ZNF66: variants seen among roughly 807,000 people sequenced by gnomAD.
ZNF66 encodes putative zinc finger protein 66.
In ZNF66, 32 loss-of-function variants were observed where a neutral mutation model predicts 35.2. That is an observed-to-expected ratio of 0.91 (90% CI 0.69 to 1.22). The LOEUF is 1.22. Ranked by LOEUF, ZNF66 falls within the 50% of genes most tolerant of loss-of-function variation. ZNF66 has a pLI of 0.00. For missense variants in ZNF66, 666 were observed against 543.1 expected (o/e 1.23, Z -2.25); for synonymous variants, 231 against 181.3 (o/e 1.27, Z -2.20).
At chr19:20,779,612 T>A (rs1397228430) in intron 1 of ZNF66, among the ~76,000 whole-genome samples, 2 of 152,128 alleles carry the variant, frequency 1.3e-5, no homozygotes, top group Non-Finnish European at 2.9e-5. Context: ...TCGGATCACC[T>A]GAGGACAGGT....
chr19:20,777,895 C>T, intron 1 of ZNF66, among the ~76,000 whole-genome samples: 1 of 152,068 alleles, frequency 6.6e-6, no homozygotes. Flanking sequence ...TGGCTGTAGA[C>T]AATGAATATA....
intron 3 of ZNF66, among the ~76,000 whole-genome samples, chr19:20,795,652 G>T (rs766831524): frequency 1.3e-5 from 2 of 152,052 alleles, no homozygotes; most frequent in Non-Finnish European, 1.5e-5. Context: ...CAGGTGTGAG[G>T]CACTGTACCC....
At chr19:20,781,330 T>G (rs1270215460) in intron 1 of ZNF66, among the ~76,000 whole-genome samples, 2 of 152,182 alleles carry the variant, frequency 1.3e-5, no homozygotes, top group African/African-American at 2.4e-5. Flanking sequence ...TTTGTTAACT[T>G]ACGTACTAAG....
chr19:20,791,930 T>G (rs1971341912), intron 1 of ZNF66, among the ~76,000 whole-genome samples: 1 of 152,166 alleles, frequency 6.6e-6, no homozygotes, highest in African/African-American at 2.4e-5. Flanking sequence ...AGCTGTTCTT[T>G]TTTCTTTTTT....
rs1436556935 is a variant in ZNF66, at chr19:20,809,873, GAC to G, written c.*2555_*2556del. Among the ~76,000 whole-genome samples the G allele has an allele frequency of 2.6e-5, 4 of 152,098 alleles. No homozygotes were observed. Among genetic ancestry groups the G allele is most frequent in the African/African-American group, 9.7e-5 (4 of 41,408 alleles). Reference sequence around the variant, plus strand: ...AATGGGCTAAATGCTCCAATTAAAAGACACAGACAGGCAAATTGGATAAATAG... The same window carrying G: ...AATGGGCTAAATGCTCCAATTAAAAGACAGACAGGCAAATTGGATAAATAG... On this transcript the variant is annotated 3_prime_UTR_variant, in exon 4 of 4. Transcript: ENST00000344519.
At position 20,792,533 on chromosome 19, in the gene ZNF66, G is replaced by A. The variant is rs556514167; in HGVS notation, c.25G>A (p.Val9Met). The A allele has an allele frequency of 3.3e-5, 51 of 1,534,624 alleles. No individual in the cohort carries two copies. Among genetic ancestry groups the A allele is most frequent in the Non-Finnish European group, 4.4e-5 (49 of 1,112,134 alleles). MGPLQFRD[V>M]AIEFSLEEWH... is the part of the protein sequence containing the mutation. ...TCAGGGGCCATTGCAATTTAGAGATGTGGCCATAGAATTCTCTCTGGAGGA... is the reference window on the plus strand; with the variant it reads ...TCAGGGGCCATTGCAATTTAGAGATATGGCCATAGAATTCTCTCTGGAGGA... Residue 9 changes from valine to methionine, a missense_variant, in exon 2 of 4, where the codon GTG becomes ATG. By Grantham distance (21) the Val-to-Met change is conservative. Coordinates refer to ENST00000344519, the MANE Select transcript of ZNF66 (RefSeq NM_001355197.2).
chr19:20,789,533 A>G (rs1224099277), intron 1 of ZNF66, among the ~76,000 whole-genome samples: 3 of 152,216 alleles, frequency 2.0e-5, no homozygotes, highest in Non-Finnish European at 1.5e-5. Context: ...CTTGTTTTCT[A>G]TTCCTGCAGA....
Position 20,806,154 on chromosome 19 carries a change from C to A in ZNF66, c.554C>A (p.Ser185Tyr). ...GAATGTGGCAAAGCTTTTAACCGGTCCTCAACCTTTACTACACATAAGAAA... is the reference window on the plus strand; with the variant it reads ...GAATGTGGCAAAGCTTTTAACCGGTACTCAACCTTTACTACACATAAGAAA... ...FTECGKAFNR[S>Y]STFTTHKKIH... Residue 185 changes from serine to tyrosine, a missense_variant, in exon 4 of 4, where the codon TCC becomes TAC. By Grantham distance (144) the Ser-to-Tyr change is moderately radical (BLOSUM62 -2). Coordinates refer to ENST00000344519, the MANE Select transcript of ZNF66 (RefSeq NM_001355197.2). The A allele has an allele frequency of 8.3e-7, 1 of 1,200,540 alleles. No homozygotes were observed. 74.4% of individuals were successfully genotyped at this position (1,200,540 alleles called of 1,614,324 possible). A position where few individuals can be genotyped will look rare whatever the true frequency, so the allele number is the denominator to read the frequency against.
intron 3 of ZNF66, among the ~76,000 whole-genome samples, chr19:20,803,749 C>T (rs1971473550): frequency 6.6e-6 from 1 of 152,034 alleles, no homozygotes; most frequent in Admixed American, 6.6e-5. Context: ...GGAAACTCAC[C>T]ATCTTTGATA....
intron 1 of ZNF66, 21 bp from the exon 2 acceptor site, chr19:20,792,489 ATG>A (rs1235911900): frequency 1.4e-5 from 21 of 1,485,518 alleles, no homozygotes; most frequent in Admixed American, 5.9e-5. Flanking sequence ...CTTGGTGAAA[ATG>A]TGTGTGTGTA....
rs755881015 is a variant in ZNF66 at position 20,806,197 on chromosome 19, A to G, written c.597A>G (p.Lys199=). The G allele has an allele frequency of 7.4e-7, 1 of 1,343,098 alleles. No homozygotes were observed. The highest frequency in any genetic ancestry group is 2.3e-5 in the East Asian group (1 of 43,618). 83.2% of individuals were successfully genotyped at this position (1,343,098 alleles called of 1,614,324 possible). A position where few individuals can be genotyped will look rare whatever the true frequency, so the allele number is the denominator to read the frequency against. ...TTHKKIHTGE[K]PYKCIECGKA... The stretch of plus-strand genomic sequence containing the variant: ...ATAAGAAAATTCATACTGGAGAGAA[A>G]CCCTATAAATGTATAGAATGTGGCA... The change falls in exon 4 of 4, where the codon AAA becomes AAG. Residue 199 remains lysine, a synonymous_variant. Transcript: ENST00000344519.
rs879637768 is a variant in ZNF66, at chr19:20,793,327, C to CTTTTTTTTTTTTTTT, written c.131-452_131-451insTTTTTTTTTTTTTTT. ...CTTTTCTTTTCTTTTCTTTTCTTTT[C>CTTTTTTTTTTTTTTT]TTTTCTTTTTTTTTTTTTTTTGAGA... On this transcript the variant is annotated intron_variant, in intron 2 of 3. Transcript: ENST00000344519. Among the ~76,000 whole-genome samples the CTTTTTTTTTTTTTTT allele has an allele frequency of 1.6e-4, 12 of 74,722 alleles. 2 individuals are homozygous for CTTTTTTTTTTTTTTT. Among genetic ancestry groups the CTTTTTTTTTTTTTTT allele is most frequent in the Non-Finnish European group, 2.1e-4 (8 of 38,974 alleles). The allele number at this position is 74,722 out of a possible 152,430, so 49.0% of individuals were successfully genotyped here. A position where few individuals can be genotyped will look rare whatever the true frequency, so the allele number is the denominator to read the frequency against.
intron 3 of ZNF66, chr19:20,799,497 G>A (rs1971428457): frequency 9.4e-6 from 1 of 106,438 alleles, no homozygotes; most frequent in Admixed American, 8.8e-5. Context: ...AGGCGATTTT[G>A]TTGGTATTGT....
In ZNF66 at chr19:20,807,418, C is replaced by A; in HGVS notation, c.*96C>A. 3.6e-6 allele frequency: 2 copies of A among 555,414 alleles called. No homozygotes were observed. The highest frequency in any genetic ancestry group is 2.9e-5 in the South Asian group (1 of 34,800). The allele number at this position is 555,414 out of a possible 1,614,324, so 34.4% of individuals were successfully genotyped here. ...GGGAAAGACTTTAACCAGCTATCAA[C>A]TTTTACTAAATATGAGAATTTATGG... On this transcript the variant is annotated 3_prime_UTR_variant, in exon 4 of 4. Transcript: ENST00000344519.
chr19:20,776,533 T>C, intron 1 of ZNF66, 83 bp downstream of exon 1: 1 of 1,448,188 alleles, frequency 6.9e-7, no homozygotes, highest in Middle Eastern at 1.8e-4. Flanking sequence ...CTCCACAATC[T>C]GCACCCCGAA....
chr19:20,776,500 G>A, intron 1 of ZNF66, 50 bp downstream of exon 1: 1 of 1,510,984 alleles, frequency 6.6e-7, no homozygotes, highest in East Asian at 2.3e-5. Flanking sequence ...TCTGTGGCGG[G>A]ACTCAGGCCT....
In ZNF66 at chr19:20,793,782, G is replaced by A. The variant is rs777025454; in HGVS notation, c.131-1G>A. On this transcript the variant is annotated splice_acceptor_variant, in intron 2 of 3. Transcript: ENST00000344519. LOFTEE classifies it high-confidence loss of function. ...CATGTTATTTATTTTTGATAAAACAGGTATTGTTGTCTCAAAGCCAGACCT... is the reference window on the plus strand; with the variant it reads ...CATGTTATTTATTTTTGATAAAACAAGTATTGTTGTCTCAAAGCCAGACCT... 5.1e-6 allele frequency: 5 copies of A among 972,896 alleles called. No individual in the cohort carries two copies. The African/African-American group carries it at 8.4e-5, about 16-fold the overall frequency. The allele number at this position is 972,896 out of a possible 1,614,324, so 60.3% of individuals were successfully genotyped here.
rs943738727 is a variant in ZNF66, at chr19:20,807,555, A to G, written c.*233A>G. On this transcript the variant is annotated 3_prime_UTR_variant, in exon 4 of 4. Transcript: ENST00000344519. ...ACCCTACACCTGTGAAGAATGTGGC[A>G]TAGCCTATAACAATTTTCAATCAAT... Among the ~76,000 whole-genome samples the G allele has an allele frequency of 3.9e-5, 6 of 151,902 alleles. No homozygotes were observed. The highest frequency in any genetic ancestry group is 3.9e-4 in the Admixed American group (6 of 15,228).
intron 1 of ZNF66, among the ~76,000 whole-genome samples, chr19:20,779,801 G>T (rs1439021313): frequency 1.3e-5 from 2 of 151,534 alleles, no homozygotes; most frequent in African/African-American, 4.9e-5. Context: ...GGTGGTGCAT[G>T]CCTGTAATCC....
Sources: gnomAD v4.1 joint callset for allele counts (sites outside exome capture counted in the v4.1 genomes callset) on GRCh38, gnomAD v4.1.1 for gene constraint, MANE v1.5 for transcripts, NCBI Gene and HGNC (gene_info 2026-07-23, HGNC 2026-07-21) for gene names.